ATP13A4: variants seen among roughly 807,000 people sequenced by gnomAD.
The protein encoded by ATP13A4 is ATPase 13A4.
In ATP13A4, 114 loss-of-function variants were observed where a neutral mutation model predicts 142.5. The ratio of observed to expected loss-of-function variants is 0.80; its 90% CI spans 0.69 to 0.93. The LOEUF is 0.93. ATP13A4 is among the 40% of genes least tolerant of loss of function. ATP13A4 has a pLI of 0.00. For missense variants in ATP13A4, 1,392 were observed against 1,454.0 expected, an observed-to-expected ratio of 0.96 and a Z score of 0.69; for synonymous variants, 488 against 514.8, an observed-to-expected ratio of 0.95 and a Z score of 0.70.
chr3:193,456,988 C>A lies in ATP13A4; in HGVS notation c.1915+12G>T. 6.2e-7 allele frequency: 1 copy of A among 1,608,888 alleles called. No homozygotes were observed. The highest frequency in any genetic ancestry group is 1.1e-5 in the South Asian group (1 of 89,960). ...CAGATTTGCCAGGTGTAATCCAAGT[C>A]AAGTTACAGACCTGTCTCAGGTTGG... On this transcript the variant is annotated intron_variant, in intron 16 of 29. Transcript: ENST00000342695.
Position 193,430,177 on chromosome 3 carries a change from G to GA in ATP13A4, c.2842+3667dup, listed in dbSNP as rs1476775254. On this transcript the variant is annotated intron_variant, in intron 25 of 29. Coordinates refer to ENST00000342695, the MANE Select transcript of ATP13A4 (RefSeq NM_032279.4). Reference sequence around the variant, plus strand: ...TTTCAAACAGAAGGACTGTTCTGGAGAAAAAATTAAACTCTTCTGTGACAC... The same window carrying GA: ...TTTCAAACAGAAGGACTGTTCTGGAGAAAAAAATTAAACTCTTCTGTGACAC... Among the ~76,000 whole-genome samples the GA allele has an allele frequency of 2.0e-5, 3 of 152,078 alleles. No homozygotes were observed. The East Asian group carries it at 5.8e-4, about 29-fold the overall frequency.
At chr3:193,488,119 C>T (rs1719738892) in intron 7 of ATP13A4, among the ~76,000 whole-genome samples, 1 of 152,068 alleles carries the variant, frequency 6.6e-6, no homozygotes, top group East Asian at 1.9e-4. Flanking sequence ...CAAAAATTAG[C>T]CGGGTGTGGT....
chr3:193,492,810 T>C lies in ATP13A4; in HGVS notation c.533+107A>G, dbSNP rs76528633. 756 of 843,008 alleles carry C rather than the reference T, an allele frequency of 9.0e-4. 8 individuals are homozygous for C. The African/African-American group carries it at 0.011, about 13-fold the overall frequency. The allele number at this position is 843,008 out of a possible 1,614,324, so 52.2% of individuals were successfully genotyped here. A position where few individuals can be genotyped will look rare whatever the true frequency, so the allele number is the denominator to read the frequency against. On this transcript the variant is annotated intron_variant, in intron 5 of 29. Coordinates refer to ENST00000342695, the MANE Select transcript of ATP13A4 (RefSeq NM_032279.4). Reference sequence around the variant, plus strand: ...TTTAATAATACTAAATAGAGCATTATAATATTTTCTGATATTAATCCATTA... The same window carrying C: ...TTTAATAATACTAAATAGAGCATTACAATATTTTCTGATATTAATCCATTA...
rs1443844590 is a variant in ATP13A4 at position 193,414,754 on chromosome 3, T to A, written c.2843-4A>T. On this transcript the variant is annotated splice_polypyrimidine_tract_variant and splice_region_variant and intron_variant, in intron 25 of 29. Coordinates refer to ENST00000342695, the MANE Select transcript of ATP13A4 (RefSeq NM_032279.4). ...GGGTAGGCACCATTCAGATTCACTA[T>A]AAAATAAATTCGAATTTTATATTTA... The A allele has an allele frequency of 6.2e-7, 1 of 1,613,748 alleles. No homozygotes were observed. The highest frequency in any genetic ancestry group is 8.5e-7 in the Non-Finnish European group (1 of 1,179,888).
intron 28 of ATP13A4, 68 bp from the exon 29 acceptor site, chr3:193,407,461 C>T: frequency 7.4e-6 from 9 of 1,218,352 alleles, no homozygotes; most frequent in Non-Finnish European, 1.1e-5. Context: ...CTCACATGTT[C>T]ACAGCATATA....
intron 24 of ATP13A4, 150 bp downstream of exon 24, chr3:193,435,498 A>C: frequency 2.7e-6 from 2 of 742,074 alleles, no homozygotes; most frequent in Non-Finnish European, 4.8e-6. Context: ...TTTGTGATTT[A>C]CTTTACAAAT....
In ATP13A4 at chr3:193,439,084, A is replaced by C. The variant is rs1716471748; in HGVS notation, c.2520-19T>G. On this transcript the variant is annotated intron_variant, in intron 21 of 29. Coordinates refer to ENST00000342695, the MANE Select transcript of ATP13A4 (RefSeq NM_032279.4). ...AAAGTAACTAAGAGGGAACCACATTAATTGTAGATGAGATCAAACCTATCT... is the reference window on the plus strand; with the variant it reads ...AAAGTAACTAAGAGGGAACCACATTCATTGTAGATGAGATCAAACCTATCT... The C allele has an allele frequency of 6.3e-7, 1 of 1,588,062 alleles. No homozygotes were observed. Among genetic ancestry groups the C allele is most frequent in the Admixed American group, 1.7e-5 (1 of 59,974 alleles).
At chr3:193,529,218 T>A (rs2108700358) in intron 1 of ATP13A4, among the ~76,000 whole-genome samples, 1 of 150,778 alleles carries the variant, frequency 6.6e-6, no homozygotes, top group East Asian at 2.0e-4. Flanking sequence ...TGCAGTGAGC[T>A]GAGATCGCGC....
At chr3:193,477,570 T>C (rs1434985422) in intron 8 of ATP13A4, among the ~76,000 whole-genome samples, 1 of 152,000 alleles carries the variant, frequency 6.6e-6, no homozygotes, top group African/African-American at 2.4e-5. Flanking sequence ...ATAAAATATA[T>C]GAAACAATGG....
chr3:193,583,189 T>C (rs578003294), intron 1 of ATP13A4, among the ~76,000 whole-genome samples: 41 of 151,812 alleles, frequency 2.7e-4, no homozygotes, highest in Non-Finnish European at 4.7e-4. Context: ...TCCCAGCACT[T>C]TGGGAGGCCA....
At chr3:193,496,245 A>G (rs1720217529) in intron 3 of ATP13A4, among the ~76,000 whole-genome samples, 1 of 152,184 alleles carries the variant, frequency 6.6e-6, no homozygotes, top group Non-Finnish European at 1.5e-5. Context: ...ATGAAACCAC[A>G]AAAGACCCTG....
chr3:193,484,115 A>AC, intron 7 of ATP13A4, 110 bp from the exon 8 acceptor site: 1 of 927,176 alleles, frequency 1.1e-6, no homozygotes, highest in Non-Finnish European at 1.8e-6. Flanking sequence ...CTGCCAGTTG[A>AC]ATGGAATGTA....
At chr3:193,498,756 T>A (rs1475775122) in intron 3 of ATP13A4, among the ~76,000 whole-genome samples, 4 of 152,232 alleles carry the variant, frequency 2.6e-5, no homozygotes, top group South Asian at 4.1e-4. Flanking sequence ...TTCAACTAAA[T>A]TTTCCTGTGC....
rs1050240736 is a variant in ATP13A4, at chr3:193,586,344, C to T, written n.92-4438G>A. 2.0e-5 allele frequency among the ~76,000 whole-genome samples: 3 copies of T among 152,040 alleles called. No homozygotes were observed. The East Asian group carries it at 5.8e-4, about 29-fold the overall frequency. On this transcript the variant is annotated intron_variant and non_coding_transcript_variant, in intron 1 of 3. Coordinates refer to the ATP13A4 transcript ENST00000489140. The stretch of plus-strand genomic sequence containing the variant: ...CAGGAGTATTTTAGTTTGATAAAGT[C>T]CAATTAATGATTTTTTAAAAATTTT...
intron 2 of ATP13A4, among the ~76,000 whole-genome samples, chr3:193,563,275 A>G (rs1398902825): frequency 6.6e-6 from 1 of 152,186 alleles, no homozygotes; most frequent in Non-Finnish European, 1.5e-5. Context: ...CCATCAGGAC[A>G]AGGGAATGCA....
upstream of ATP13A4, among the ~76,000 whole-genome samples, chr3:193,558,296 T>C (rs1004981717): frequency 6.6e-6 from 1 of 152,264 alleles, no homozygotes; most frequent in Non-Finnish European, 1.5e-5. Context: ...TAATTGTGCC[T>C]GTTCAATATT....
chr3:193,558,727 G>A (rs57976183), upstream of ATP13A4, among the ~76,000 whole-genome samples: 13 of 152,082 alleles, frequency 8.5e-5, no homozygotes, highest in Non-Finnish European at 1.6e-4. Context: ...ATGAGGGCTC[G>A]CACACAGCCC....
chr3:193,431,014 G>C (rs1309656027), intron 25 of ATP13A4, among the ~76,000 whole-genome samples: 4 of 151,982 alleles, frequency 2.6e-5, no homozygotes, highest in South Asian at 2.1e-4. Context: ...AAAATGGAGG[G>C]GGGGAATCAC....
intron 2 of ATP13A4, among the ~76,000 whole-genome samples, chr3:193,513,010 T>A (rs1174702294): frequency 6.6e-6 from 1 of 152,254 alleles, no homozygotes; most frequent in African/African-American, 2.4e-5. Flanking sequence ...TCTTGCTTCC[T>A]TAAAGTCTTA....
Sources: allele counts gnomAD v4.1 joint callset (sites outside exome capture counted in the v4.1 genomes callset), GRCh38; gene constraint gnomAD v4.1.1; transcripts MANE v1.5; gene names NCBI Gene and HGNC (gene_info 2026-07-23, HGNC 2026-07-21).